TRPM3: variants seen among roughly 807,000 people sequenced by gnomAD.
TRPM3 encodes transient receptor potential cation channel subfamily M member 3, also known as long transient receptor potential channel 3.
TRPM3 carries 77 observed loss-of-function variants against 181.2 expected under a neutral mutation model. The observed-to-expected ratio is 0.42, with a 90% CI of 0.35 to 0.51. The LOEUF (loss-of-function observed/expected upper bound fraction) is 0.51, where lower values mean the gene tolerates loss of function less well. Among genes scored for constraint, TRPM3 ranks in the 20% least tolerant of loss-of-function variants. The pLI, the probability that TRPM3 is intolerant of heterozygous loss-of-function variation, is 0.01. For synonymous variants in TRPM3, 745 were observed against 796.4 expected (o/e 0.94, Z 1.09); for missense variants, 1,759 against 2,196.7 (o/e 0.80, Z 3.98).
At chr9:71,243,277 G>A (rs542373677) in intron 1 of TRPM3, among the ~76,000 whole-genome samples, 1 of 152,250 alleles carries the variant, frequency 6.6e-6, no homozygotes, top group Admixed American at 6.5e-5. Flanking sequence ...CCTGACCTCA[G>A]CCTCTCAAAG....
intron 1 of TRPM3, among the ~76,000 whole-genome samples, chr9:70,976,001 GC>G (rs1457716435): frequency 1.3e-5 from 2 of 152,042 alleles, no homozygotes; most frequent in African/African-American, 4.8e-5. Context: ...TCCTCCCCCA[GC>G]CCCTATCTCC....
intron 1 of TRPM3, among the ~76,000 whole-genome samples, chr9:70,951,320 C>A (rs1015092126): frequency 1.3e-5 from 2 of 152,068 alleles, no homozygotes; most frequent in African/African-American, 4.8e-5. Context: ...CACTGTAAAT[C>A]AGGAATACTG....
chr9:70,849,202 T>C (rs897012217), intron 3 of TRPM3, among the ~76,000 whole-genome samples: 1 of 152,110 alleles, frequency 6.6e-6, no homozygotes, highest in Non-Finnish European at 1.5e-5. Context: ...TGGAACACAA[T>C]GGCATGATCT....
At position 71,121,491 on chromosome 9, in the gene TRPM3, A is replaced by G; in HGVS notation, c.-137T>C. On this transcript the variant is annotated 5_prime_UTR_variant, in exon 1 of 26. The change abolishes an upstream ATG in the 5' untranslated region. Coordinates refer to ENST00000677713, the MANE Select transcript of TRPM3 (RefSeq NM_001366145.2). Reference sequence around the variant, plus strand: ...CTCCCCTCTCTCTGCAGCCGTGCTCATGCATACCAAATGTGGCTGAATGGA... The same window carrying G: ...CTCCCCTCTCTCTGCAGCCGTGCTCGTGCATACCAAATGTGGCTGAATGGA... 7.0e-7 allele frequency: 1 copy of G among 1,431,534 alleles called. No individual in the cohort carries two copies. The highest frequency in any genetic ancestry group is 1.6e-5 in the South Asian group (1 of 63,644). 88.7% of individuals were successfully genotyped at this position (1,431,534 alleles called of 1,614,324 possible). A position where few individuals can be genotyped will look rare whatever the true frequency, so the allele number is the denominator to read the frequency against.
intron 1 of TRPM3, among the ~76,000 whole-genome samples, chr9:71,378,540 C>T (rs1476429726): frequency 6.6e-6 from 1 of 152,020 alleles, no homozygotes; most frequent in African/African-American, 2.4e-5. Flanking sequence ...TCAACAATCG[C>T]TTATTGAACA....
At chr9:71,418,510 T>G (rs924744242) in intron 1 of TRPM3, among the ~76,000 whole-genome samples, 5 of 151,796 alleles carry the variant, frequency 3.3e-5, no homozygotes, top group African/African-American at 1.2e-4. Context: ...CTTGCCCACA[T>G]GACCAGGGAT....
chr9:70,745,413 C>A lies in TRPM3; in HGVS notation c.1272+16188G>T, dbSNP rs552606499. ...ACCCACTGTATGTTGAAAACTCATA[C>A]GGAAAACATTTTGAGTTGAAAAATT... is the stretch of plus-strand genomic sequence containing the variant. On this transcript the variant is annotated intron_variant, in intron 8 of 25. Transcript: ENST00000677713. 5.9e-5 allele frequency among the ~76,000 whole-genome samples: 9 copies of A among 152,194 alleles called. No homozygotes were observed. In the East Asian group the frequency reaches 1.5e-3, roughly 26 times the overall value.
At chr9:70,917,583 T>C (rs1689853612) in intron 1 of TRPM3, 1 of 579,432 alleles carries the variant, frequency 1.7e-6, no homozygotes, top group African/African-American at 1.9e-5. Context: ...CAACTTAAAA[T>C]AATGGCTTAT....
chr9:70,933,357 T>C (rs1355845126), intron 1 of TRPM3, among the ~76,000 whole-genome samples: 1 of 152,216 alleles, frequency 6.6e-6, no homozygotes, highest in Admixed American at 6.5e-5. Flanking sequence ...AATAGGATCT[T>C]GGTTGAGACT....
At chr9:71,135,043 C>T (rs563089746) in intron 1 of TRPM3, among the ~76,000 whole-genome samples, 1 of 152,238 alleles carries the variant, frequency 6.6e-6, no homozygotes, top group South Asian at 2.1e-4. Context: ...TACCTAAATC[C>T]CCAATCACCA....
chr9:71,400,152 G>A (rs373297808), intron 1 of TRPM3, among the ~76,000 whole-genome samples: 6 of 152,042 alleles, frequency 3.9e-5, no homozygotes, highest in Non-Finnish European at 7.4e-5. Flanking sequence ...AATAATTCTC[G>A]TTTGGGAGAT....
chr9:70,869,342 G>A (rs1319473771), intron 1 of TRPM3, among the ~76,000 whole-genome samples: 16 of 83,324 alleles, frequency 1.9e-4, no homozygotes, highest in South Asian at 9.8e-4. Context: ...AGGCTCCCCC[G>A]CCCTCCCTCC....
At chr9:71,140,646 TATTCATTC>T (rs752967380) in intron 1 of TRPM3, among the ~76,000 whole-genome samples, 4 of 152,168 alleles carry the variant, frequency 2.6e-5, no homozygotes, top group Non-Finnish European at 5.9e-5. Context: ...TTTCTTCATT[TATTCATTC>T]ATTCATTCAT....
chr9:70,916,275 A>G (rs1482613475), intron 1 of TRPM3, among the ~76,000 whole-genome samples: 1 of 152,262 alleles, frequency 6.6e-6, no homozygotes, highest in African/African-American at 2.4e-5. Context: ...AGAAAGGGAC[A>G]TTAATGAGCA....
chr9:71,371,737 A>T (rs1244075241), intron 1 of TRPM3, among the ~76,000 whole-genome samples: 1 of 152,318 alleles, frequency 6.6e-6, no homozygotes, highest in East Asian at 1.9e-4. Context: ...TGAAAGTTCT[A>T]CTGTGGGTAG....
intron 1 of TRPM3, among the ~76,000 whole-genome samples, chr9:71,349,473 C>T (rs1299960212): frequency 1.3e-5 from 2 of 152,140 alleles, no homozygotes; most frequent in Non-Finnish European, 2.9e-5. Context: ...AAGAGAAATT[C>T]CACTAAGAAG....
intron 1 of TRPM3, among the ~76,000 whole-genome samples, chr9:71,215,355 T>C (rs2079799847): frequency 6.6e-6 from 1 of 152,196 alleles, no homozygotes; most frequent in Admixed American, 6.5e-5. Context: ...TGTATGCTTG[T>C]AACAGGCATT....
In TRPM3 at chr9:70,536,911, A is replaced by T. The variant is rs778846211; in HGVS notation, c.4202T>A (p.Ile1401Asn). Residue 1401 changes from isoleucine (I) to asparagine (N), a missense_variant, in exon 26 of 26, where the codon ATT (isoleucine) becomes AAT (asparagine). Around this residue, in one of 8 missense-constraint regions of TRPM3, gnomAD observed 612 missense variants for 590.0 expected, o/e 1.04. Transcript: ENST00000677713. ...TGATGGTCTTCTGGAATCAGGAACAATGGCCAAGGTGTTGGCAGGGGCTGC... is the reference window on the plus strand; with the variant it reads ...TGATGGTCTTCTGGAATCAGGAACATTGGCCAAGGTGTTGGCAGGGGCTGC... ...APAAPANTLA[I>N]VPDSRRPSSC... 1 of 1,614,108 alleles carries T rather than the reference A, an allele frequency of 6.2e-7. No homozygotes were observed. The highest frequency in any genetic ancestry group is 1.1e-5 in the South Asian group (1 of 91,086).
intron 1 of TRPM3, among the ~76,000 whole-genome samples, chr9:70,935,134 A>C (rs998243950): frequency 2.6e-5 from 4 of 152,150 alleles, no homozygotes; most frequent in African/African-American, 7.2e-5. Context: ...CCACGCACCC[A>C]GTGGAAACAG....
Sources: allele counts gnomAD v4.1 joint callset (sites outside exome capture counted in the v4.1 genomes callset), GRCh38; gene constraint gnomAD v4.1.1; regional missense constraint gnomAD v4.1.1; transcripts MANE v1.5; gene names NCBI Gene and HGNC (gene_info 2026-07-23, HGNC 2026-07-21).